The following UNC79 variants were observed in gnomAD, a reference collection of about 807,000 sequenced individuals.
The protein encoded by UNC79 is unc-79 subunit of NALCN channel complex.
A neutral mutation model predicts 283.1 loss-of-function variants in UNC79; 37 were observed. The ratio of observed to expected loss-of-function variants is 0.13; its 90% confidence interval spans 0.10 to 0.17. The LOEUF (loss-of-function observed/expected upper bound fraction) is 0.17, where lower values mean the gene tolerates loss of function less well. UNC79 is among the 10% of genes least tolerant of loss of function. The pLI, the probability that UNC79 is intolerant of heterozygous loss-of-function variation, is 1.00. For synonymous variants in UNC79, 1,107 were observed against 1,200.2 expected (o/e 0.92, Z 1.61); for missense variants, 2,272 against 3,211.1 (o/e 0.71, Z 7.07).
chr14:93,336,301 G>A (rs143104285), intron 1 of UNC79, among the ~76,000 whole-genome samples: 46 of 152,238 alleles, frequency 3.0e-4, no homozygotes, highest in African/African-American at 1.1e-3. Flanking sequence ...TAAGTACCTT[G>A]TAGATGCTTA....
In UNC79 at chr14:93,584,624, C is replaced by T. The variant is rs141150571; in HGVS notation, c.2804-1972C>T. Among the ~76,000 whole-genome samples, 183 of 152,320 alleles carry T rather than the reference C, an allele frequency of 1.2e-3. 1 individual carries two copies. The East Asian group carries it at 0.028, about 23-fold the overall frequency. On this transcript the variant is annotated intron_variant, in intron 20 of 48. Coordinates refer to ENST00000555664, the Ensembl canonical transcript of UNC79. The stretch of plus-strand genomic sequence containing the variant: ...TATTTTTTAAACCTAAGCTAGCACA[C>T]AGATCAATTAACTGCTGCTTTTATC...
Position 93,688,318 on chromosome 14 carries a change from G to T in UNC79, c.6910-347G>T, listed in dbSNP as rs2074408067. Among the ~76,000 whole-genome samples the T allele has an allele frequency of 6.6e-6, 1 of 152,166 alleles. No individual in the cohort carries two copies. Among genetic ancestry groups the T allele is most frequent in the African/African-American group, 2.4e-5 (1 of 41,434 alleles). On this transcript the variant is annotated intron_variant, in intron 43 of 48. Transcript: ENST00000555664. The surrounding 1 kb of genome is among the most constrained non-coding windows in gnomAD (Gnocchi z 4.0). ...GGGAGGTCAGGGAAGGCTTCCCAGA[G>T]GAAGTTACATTTGAGCTAAAACCTG...
Position 93,688,464 on chromosome 14 carries a change from G to T in UNC79, c.6910-201G>T, listed in dbSNP as rs1474434915. ...AGAAGGGGTAAGTTCTCAGTGGCTG[G>T]ATCTTTCTGGCTTTGTAGGCTAGGG... On this transcript the variant is annotated intron_variant, in intron 43 of 48. Coordinates refer to ENST00000555664, the Ensembl canonical transcript of UNC79. This position sits in a 1 kb window ranked among gnomAD's most constrained non-coding sequence, Gnocchi z 4.0. 6.6e-6 allele frequency among the ~76,000 whole-genome samples: 1 copy of T among 152,130 alleles called. No individual in the cohort carries two copies. The highest frequency in any genetic ancestry group is 1.5e-5 in the Non-Finnish European group (1 of 68,024).
rs545394220 is a variant in UNC79 at position 93,353,847 on chromosome 14, AGAG to A, written c.-351+20331_-351+20333del. 1.7e-3 allele frequency among the ~76,000 whole-genome samples: 254 copies of A among 152,346 alleles called. 1 individual carries two copies. Among genetic ancestry groups the A allele is most frequent in the Middle Eastern group, 3.4e-3 (1 of 294 alleles). On this transcript the variant is annotated intron_variant, in intron 1 of 49. Coordinates refer to the UNC79 transcript ENST00000256339. ...AAAAGTCAGTGCCCTAACTTGCTCT[AGAG>A]GAGGAGATAGACAAACATGTAACCT...
At chr14:93,660,561 A>ATGTGTG (rs1351937848) in intron 39 of UNC79, among the ~76,000 whole-genome samples, 6 of 83,216 alleles carry the variant, frequency 7.2e-5, no homozygotes, top group Admixed American at 1.2e-4. Context: ...ATATATATAT[A>ATGTGTG]TATGTGTGTG....
At chr14:93,547,640 CTT>C (rs1210619847) in intron 14 of UNC79, among the ~76,000 whole-genome samples, 1 of 152,128 alleles carries the variant, frequency 6.6e-6, no homozygotes, top group African/African-American at 2.4e-5. Flanking sequence ...AAACTTAGCT[CTT>C]TTAATATTTA....
chr14:93,431,666 G>C (rs1291833915), intron 1 of UNC79, among the ~76,000 whole-genome samples: 1 of 152,186 alleles, frequency 6.6e-6, no homozygotes, highest in East Asian at 1.9e-4. Context: ...AGGAGCTCTG[G>C]GAAAATGACC....
intron 1 of UNC79, among the ~76,000 whole-genome samples, chr14:93,392,782 G>T (rs2054910476): frequency 6.6e-6 from 1 of 152,122 alleles, no homozygotes; most frequent in Admixed American, 6.5e-5. Context: ...GGGATGTCTT[G>T]ATAACTCTGT....
intron 31 of UNC79, among the ~76,000 whole-genome samples, chr14:93,633,733 T>C (rs2068245121): frequency 1.3e-5 from 2 of 152,218 alleles, no homozygotes; most frequent in Admixed American, 6.5e-5. Context: ...CAAAAGTGTT[T>C]TTCATTGTTT....
At chr14:93,701,501 A>T (rs2075526379) in intron 47 of UNC79, among the ~76,000 whole-genome samples, 1 of 152,166 alleles carries the variant, frequency 6.6e-6, no homozygotes, top group African/African-American at 2.4e-5. Context: ...CCTATTTTTT[A>T]AATGTCCTTC....
intron 46 of UNC79, 135 bp from the exon 50 acceptor site, chr14:93,694,200 T>C: frequency 1.6e-6 from 1 of 644,192 alleles, no homozygotes; most frequent in South Asian, 2.6e-5. Flanking sequence ...TGAACACCAC[T>C]GCCAGTGGTC....
At chr14:93,488,434 T>C (rs1248441185) in intron 5 of UNC79, among the ~76,000 whole-genome samples, 1 of 152,198 alleles carries the variant, frequency 6.6e-6, no homozygotes, top group Non-Finnish European at 1.5e-5. Context: ...TGTGCTAACA[T>C]GTAAACTCAT....
At chr14:93,388,280 A>G (rs1451204372) in intron 1 of UNC79, among the ~76,000 whole-genome samples, 1 of 152,042 alleles carries the variant, frequency 6.6e-6, no homozygotes, top group East Asian at 1.9e-4. Context: ...CCCGACTATA[A>G]AAGTTAATAT....
chr14:93,495,350 T>C (rs1056190363), intron 5 of UNC79, among the ~76,000 whole-genome samples: 1 of 152,162 alleles, frequency 6.6e-6, no homozygotes, highest in African/African-American at 2.4e-5. Context: ...AAACTGCCTT[T>C]ATGAAACCAT....
chr14:93,707,779 A>G (rs1372255920), downstream of UNC79: 1 of 152,246 alleles, frequency 6.6e-6, no homozygotes, highest in Non-Finnish European at 1.5e-5. Flanking sequence ...ATTCCAAATG[A>G]AATTCCTCCT....
chr14:93,492,749 G>T (rs995232071), intron 5 of UNC79, among the ~76,000 whole-genome samples: 5 of 152,226 alleles, frequency 3.3e-5, no homozygotes, highest in African/African-American at 1.2e-4. Flanking sequence ...GGTCAGTGAT[G>T]GCTCTGAACA....
chr14:93,431,155 G>T, intron 1 of UNC79, 104 bp downstream of exon 1: 1 of 595,544 alleles, frequency 1.7e-6, no homozygotes, highest in Non-Finnish European at 3.1e-6. Flanking sequence ...GCTGGTGCGG[G>T]GGTGGGGGCT....
chr14:93,637,423 C>T (rs2068601998), intron 32 of UNC79, 124 bp downstream of exon 35: 1 of 1,469,826 alleles, frequency 6.8e-7, no homozygotes, highest in African/African-American at 1.4e-5. Context: ...TGACCTTTGC[C>T]CAAACACCCC....
intron 1 of UNC79, among the ~76,000 whole-genome samples, chr14:93,413,406 T>A (rs9671942): frequency 0.52 from 78,482 of 149,510 alleles, 21,246 homozygotes; most frequent in Admixed American, 0.64. Context: ...TGTGCCACAT[T>A]TTCTTAATCC....
Sources: gnomAD v4.1 joint callset for allele counts (sites outside exome capture counted in the v4.1 genomes callset) on GRCh38, gnomAD v4.1.1 for gene constraint, Gnocchi (gnomAD v3.1) non-coding constraint, MANE v1.5 for transcripts, NCBI Gene and HGNC (gene_info 2026-07-23, HGNC 2026-07-21) for gene names.